BTBD10: variants seen among roughly 807,000 people sequenced by gnomAD.
BTBD10 encodes the protein BTB domain containing 10.
In BTBD10, 21 loss-of-function variants were observed where a neutral mutation model predicts 53.2. That is an observed-to-expected ratio of 0.39 (90% CI 0.28 to 0.57). BTBD10 has a LOEUF of 0.57. Among genes scored for constraint, BTBD10 ranks in the 20% least tolerant of loss-of-function variants. The pLI is 0.53. For missense variants in BTBD10, 360 were observed against 594.7 expected, an observed-to-expected ratio of 0.61 and a Z score of 4.10; for synonymous variants, 149 against 192.7, an observed-to-expected ratio of 0.77 and a Z score of 1.88.
chr11:13,427,669 T>A (rs1010153482), intron 2 of BTBD10, among the ~76,000 whole-genome samples: 1 of 152,148 alleles, frequency 6.6e-6, no homozygotes. Flanking sequence ...GGCAGAAAAC[T>A]CATGCTTTTC....
At chr11:13,444,816 A>G (rs1950723489) in intron 2 of BTBD10, among the ~76,000 whole-genome samples, 1 of 152,166 alleles carries the variant, frequency 6.6e-6, no homozygotes, top group African/African-American at 2.4e-5. Context: ...ATCTTTAGAG[A>G]CAGAAATAAA....
At chr11:13,408,810 G>C (rs1949880642) in intron 6 of BTBD10, among the ~76,000 whole-genome samples, 1 of 152,084 alleles carries the variant, frequency 6.6e-6, no homozygotes, top group African/African-American at 2.4e-5. Context: ...CTCATACCTG[G>C]ACTTTGACAG....
chr11:13,413,144 A>G (rs1045620352), intron 6 of BTBD10, among the ~76,000 whole-genome samples: 3 of 152,194 alleles, frequency 2.0e-5, no homozygotes, highest in Non-Finnish European at 4.4e-5. Context: ...TGCTCATATT[A>G]TCACACGTGG....
intron 5 of BTBD10, among the ~76,000 whole-genome samples, chr11:13,415,695 A>AGG (rs1950089636): frequency 6.6e-6 from 1 of 151,996 alleles, no homozygotes; most frequent in South Asian, 2.1e-4. Context: ...TAAATTATCT[A>AGG]AATATTTTCT....
intron 2 of BTBD10, among the ~76,000 whole-genome samples, chr11:13,423,115 A>G (rs891121707): frequency 2.0e-5 from 3 of 152,182 alleles, no homozygotes; most frequent in Non-Finnish European, 2.9e-5. Flanking sequence ...CCTGACAAAT[A>G]GATAAAATTT....
intron 8 of BTBD10, among the ~76,000 whole-genome samples, chr11:13,395,616 G>A (rs1949526694): frequency 6.6e-6 from 1 of 152,150 alleles, no homozygotes; most frequent in African/African-American, 2.4e-5. Context: ...CCTTGCCCAT[G>A]CCTATGTCCT....
chr11:13,453,913 G>A (rs907346364), intron 1 of BTBD10, among the ~76,000 whole-genome samples: 2 of 152,106 alleles, frequency 1.3e-5, no homozygotes, highest in African/African-American at 2.4e-5. Flanking sequence ...TTAGCCAGGC[G>A]TGTTGGCGGG....
chr11:13,395,911 T>C (rs1176898234), intron 8 of BTBD10, among the ~76,000 whole-genome samples: 1 of 152,206 alleles, frequency 6.6e-6, no homozygotes, highest in Non-Finnish European at 1.5e-5. Flanking sequence ...TCTGTTTTGG[T>C]ACCAGTACCA....
intron 1 of BTBD10, among the ~76,000 whole-genome samples, chr11:13,457,118 T>C (rs545473764): frequency 1.3e-3 from 204 of 152,124 alleles, no homozygotes; most frequent in Non-Finnish European, 2.5e-3. Context: ...GCGGTGATCA[T>C]GCCACTGCAC....
rs568100410 is a variant in BTBD10 at position 13,407,421 on chromosome 11, A to C, written c.809-1565T>G. ...ATCCAAAATTTAACTTACCGTCTCT[A>C]ACTCTCTCCACGGTATTTTTCAAAT... is the stretch of plus-strand genomic sequence containing the variant. On this transcript the variant is annotated intron_variant, in intron 6 of 8. Transcript: ENST00000278174. Among the ~76,000 whole-genome samples, 10 of 152,108 alleles carry C rather than the reference A, an allele frequency of 6.6e-5. No individual in the cohort carries two copies. The South Asian group carries it at 1.2e-3, about 19-fold the overall frequency.
At chr11:13,435,288 A>G (rs1950526459) in intron 2 of BTBD10, among the ~76,000 whole-genome samples, 2 of 152,294 alleles carry the variant, frequency 1.3e-5, no homozygotes, top group South Asian at 4.1e-4. Context: ...AATATTTACT[A>G]AATAACTACA....
intron 6 of BTBD10, among the ~76,000 whole-genome samples, chr11:13,408,812 CT>C (rs1375689766): frequency 6.6e-6 from 1 of 152,216 alleles, no homozygotes; most frequent in African/African-American, 2.4e-5. Context: ...CATACCTGGA[CT>C]TTGACAGTGG....
At chr11:13,425,248 G>A (rs971819264) in intron 2 of BTBD10, among the ~76,000 whole-genome samples, 1 of 152,156 alleles carries the variant, frequency 6.6e-6, no homozygotes, top group African/African-American at 2.4e-5. Flanking sequence ...GTTCTAAAAT[G>A]GGAAATAATT....
chr11:13,440,730 C>T (rs1950633614), intron 2 of BTBD10, among the ~76,000 whole-genome samples: 1 of 152,126 alleles, frequency 6.6e-6, no homozygotes, highest in Non-Finnish European at 1.5e-5. Context: ...ATAGTCTATA[C>T]TGAATGTATG....
chr11:13,402,341 AG>A (rs1949731894), intron 8 of BTBD10, among the ~76,000 whole-genome samples: 1 of 152,198 alleles, frequency 6.6e-6, no homozygotes, highest in African/African-American at 2.4e-5. Context: ...TGTACTAGGC[AG>A]TGTTTTAAGT....
chr11:13,427,161 G>A (rs949770956), intron 2 of BTBD10, among the ~76,000 whole-genome samples: 3 of 152,158 alleles, frequency 2.0e-5, no homozygotes, highest in Non-Finnish European at 2.9e-5. Context: ...AGGCTGCAGT[G>A]AGCGGAGATC....
intron 2 of BTBD10, 133 bp from the exon 3 acceptor site, chr11:13,421,971 A>G (rs1950250332): frequency 1.5e-6 from 1 of 664,558 alleles, no homozygotes; most frequent in African/African-American, 1.8e-5. Flanking sequence ...TAATTCTGAA[A>G]CCTAATTTAC....
At chr11:13,461,691 G>A (rs185162009) in intron 1 of BTBD10, among the ~76,000 whole-genome samples, 1 of 152,254 alleles carries the variant, frequency 6.6e-6, no homozygotes, top group African/African-American at 2.4e-5. Context: ...AAGTCTATCT[G>A]AAAGCTTTTC....
intron 2 of BTBD10, among the ~76,000 whole-genome samples, chr11:13,434,360 G>C (rs1221853288): frequency 6.6e-6 from 1 of 152,148 alleles, no homozygotes. Context: ...ACTCTCTGAG[G>C]GGGAAGTGTC....
Sources: gnomAD v4.1 joint callset for allele counts (sites outside exome capture counted in the v4.1 genomes callset) on GRCh38, gnomAD v4.1.1 for gene constraint, MANE v1.5 for transcripts, NCBI Gene and HGNC (gene_info 2026-07-23, HGNC 2026-07-21) for gene names.